Variants in AKR7A3 observed in about 807,000 individuals in gnomAD.
The protein encoded by AKR7A3 is AFB1 aldehyde reductase 2.
Under a neutral mutation model 32.5 loss-of-function variants are expected in AKR7A3, and 37 were observed. The ratio of observed to expected loss-of-function variants is 1.14; its 90% CI spans 0.88 to 1.50. The LOEUF (loss-of-function observed/expected upper bound fraction) is 1.50. AKR7A3 is among the 40% of genes most tolerant of loss of function. The pLI, the probability that AKR7A3 is intolerant of heterozygous loss-of-function variation, is 0.00. For synonymous variants in AKR7A3, 177 were observed against 188.4 expected (o/e 0.94, Z 0.50); for missense variants, 412 against 453.2 (o/e 0.91, Z 0.83).
the AKR7A3 span, among the ~76,000 whole-genome samples, chr1:19,274,405 C>T: frequency 6.6e-6 from 1 of 151,880 alleles, no homozygotes; most frequent in African/African-American, 2.4e-5. Flanking sequence ...TCTGGGACTC[C>T]TCCCTGCCCC....
rs761413936 is a variant in AKR7A3, at chr1:19,284,010, G to A, written c.820C>T (p.His274Tyr). ...TCACTGGTTACCTGCAGCTGTGAGT[G>A]GTGGTACATCCACCGGAGGGTGGCC... is the stretch of plus-strand genomic sequence containing the variant. ...TSATLRWMYHHSQLQGAHGDA... is the reference protein window; with the variant it reads ...TSATLRWMYHYSQLQGAHGDA... Residue 274 changes from histidine to tyrosine, a missense_variant, in exon 6 of 7, where the codon CAC becomes TAC. By Grantham distance (83) the His-to-Tyr change is moderately conservative. Transcript: ENST00000361640. 20 of 1,613,246 alleles carry A rather than the reference G, an allele frequency of 1.2e-5. No homozygotes were observed. The highest frequency in any genetic ancestry group is 1.6e-5 in the Non-Finnish European group (19 of 1,179,884).
At chr1:19,285,138 G>GA (rs1558131733) in intron 3 of AKR7A3, 24 bp from the exon 4 acceptor site, 1 of 1,610,654 alleles carries the variant, frequency 6.2e-7, no homozygotes, top group Admixed American at 1.7e-5. Context: ...GGCCCCGGGG[G>GA]AGAGGGTGGA....
the AKR7A3 span, among the ~76,000 whole-genome samples, chr1:19,274,442 C>T: frequency 6.6e-6 from 1 of 151,826 alleles, no homozygotes; most frequent in Admixed American, 6.6e-5. Flanking sequence ...CGGCCTCGCC[C>T]GCCCCGGAGC....
rs2093726217 is a variant in AKR7A3, at chr1:19,284,790, G to A, written c.605-5C>T. ...ACTTGCCGGTCAGCAGGCCCCCTGA[G>A]GGAAAGCAGCAATCAGCCCCGGGGC... On this transcript the variant is annotated splice_region_variant and splice_polypyrimidine_tract_variant and intron_variant, in intron 4 of 6. Coordinates refer to ENST00000361640, the MANE Select transcript of AKR7A3 (RefSeq NM_012067.3). 2 of 1,613,790 alleles carry A rather than the reference G, an allele frequency of 1.2e-6. No homozygotes were observed. The highest frequency in any genetic ancestry group is 4.5e-5 in the East Asian group (2 of 44,880).
chr1:19,282,709 GGC>G lies in AKR7A3; in HGVS notation c.*20_*21del, dbSNP rs2093720817. On this transcript the variant is annotated 3_prime_UTR_variant, in exon 7 of 7. Transcript: ENST00000361640. ...CAAAAGATGTTACAGAAGAGCCTTG[GGC>G]AGCCTGAGAAACGATGGGCCTAGCG... The G allele has an allele frequency of 1.9e-6, 3 of 1,613,790 alleles. No homozygotes were observed. The East Asian group carries it at 6.7e-5, about 36-fold the overall frequency.
At chr1:19,276,608 C>T in the AKR7A3 span, among the ~76,000 whole-genome samples, 4 of 150,808 alleles carry the variant, frequency 2.7e-5, no homozygotes, top group Non-Finnish European at 5.9e-5. Context: ...TCCAGATCAG[C>T]CTGGTCAACA....
the AKR7A3 span, among the ~76,000 whole-genome samples, chr1:19,274,352 C>T: frequency 6.6e-6 from 1 of 151,884 alleles, no homozygotes; most frequent in African/African-American, 2.4e-5. Flanking sequence ...CTCCTCAAGT[C>T]CGCAAGGGTG....
chr1:19,281,865 G>A (rs143521120), downstream of AKR7A3, among the ~76,000 whole-genome samples: 220 of 152,056 alleles, frequency 1.4e-3, 4 homozygotes, highest in Middle Eastern at 6.8e-3. Flanking sequence ...TCAGACTTGC[G>A]TGGGCCTGTT....
downstream of AKR7A3, among the ~76,000 whole-genome samples, chr1:19,278,226 T>C (rs1366928657): frequency 6.6e-6 from 1 of 151,666 alleles, no homozygotes; most frequent in African/African-American, 2.4e-5. Context: ...ATTTCAGGCA[T>C]GAATGAACCA....
downstream of AKR7A3, among the ~76,000 whole-genome samples, chr1:19,278,039 G>T (rs879502147): frequency 6.6e-6 from 1 of 151,834 alleles, no homozygotes; most frequent in Non-Finnish European, 1.5e-5. Flanking sequence ...AGAAACCACT[G>T]CCTAATCCAA....
chr1:19,275,342 C>T, the AKR7A3 span, among the ~76,000 whole-genome samples: 4 of 151,190 alleles, frequency 2.6e-5, no homozygotes, highest in South Asian at 6.3e-4. Context: ...ACCTTGGAGG[C>T]GGAGGTTGCA....
At chr1:19,278,757 G>A (rs1002492134), downstream of AKR7A3, among the ~76,000 whole-genome samples, 1 of 151,716 alleles carries the variant, frequency 6.6e-6, no homozygotes, top group Non-Finnish European at 1.5e-5. Flanking sequence ...TATTAGCAGT[G>A]AATCTCTATT....
chr1:19,282,145 A>G (rs1028008977), downstream of AKR7A3, among the ~76,000 whole-genome samples: 20 of 151,942 alleles, frequency 1.3e-4, no homozygotes, highest in South Asian at 1.0e-3. Context: ...TGGTACAATG[A>G]TATCATCAGG....
At chr1:19,274,537 G>C in the AKR7A3 span, among the ~76,000 whole-genome samples, 2 of 151,786 alleles carry the variant, frequency 1.3e-5, no homozygotes, top group East Asian at 3.9e-4. Context: ...CCTGCCGTGT[G>C]GTCCTGGAGG....
At chr1:19,276,660 G>A in the AKR7A3 span, among the ~76,000 whole-genome samples, 11 of 151,444 alleles carry the variant, frequency 7.3e-5, no homozygotes, top group Admixed American at 1.3e-4. Flanking sequence ...AAATTAGACA[G>A]GCATGTTGGC....
intron 1 of AKR7A3, among the ~76,000 whole-genome samples, 181 bp from the exon 2 acceptor site, chr1:19,286,553 G>A (rs1255949248): frequency 2.6e-5 from 4 of 151,740 alleles, no homozygotes; most frequent in East Asian, 1.9e-4. Context: ...AGTGGAGCCC[G>A]CCTGTAGTCC....
the AKR7A3 span, among the ~76,000 whole-genome samples, chr1:19,274,683 C>T: frequency 6.6e-6 from 1 of 151,354 alleles, no homozygotes; most frequent in African/African-American, 2.4e-5. Context: ...TGGTGGTTTA[C>T]GCCTGTAATC....
At chr1:19,285,185 GA>G in intron 3 of AKR7A3, 71 bp from the exon 4 acceptor site, 1 of 1,431,058 alleles carries the variant, frequency 7.0e-7, no homozygotes, top group South Asian at 1.2e-5. Flanking sequence ...TACCCTTCCA[GA>G]ACCCTTATTT....
intron 1 of AKR7A3, 28 bp downstream of exon 1, chr1:19,288,468 C>A: frequency 6.2e-7 from 1 of 1,606,834 alleles, no homozygotes; most frequent in Non-Finnish European, 8.5e-7. Context: ...CTGCACCGTG[C>A]AGGGGGAGGA....
Sources: allele counts gnomAD v4.1 joint callset (sites outside exome capture counted in the v4.1 genomes callset), GRCh38; gene constraint gnomAD v4.1.1; transcripts MANE v1.5; gene names NCBI Gene and HGNC (gene_info 2026-07-23, HGNC 2026-07-21).